ALCAM: variants seen among roughly 807,000 people sequenced by gnomAD.
The protein encoded by ALCAM is activated leukocyte cell adhesion molecule, also known as CD166 antigen.
In ALCAM, 30 loss-of-function variants were observed where a neutral mutation model predicts 70.9. The ratio of observed to expected loss-of-function variants is 0.42; its 90% CI spans 0.32 to 0.57. ALCAM has a LOEUF of 0.57. ALCAM is among the 20% of genes least tolerant of loss of function. The pLI is 0.11. For synonymous variants in ALCAM, 249 were observed against 242.5 expected (o/e 1.03, Z -0.25); for missense variants, 591 against 695.1 (o/e 0.85, Z 1.68).
chr3:105,368,690 G>A (rs1398138022), intron 1 of ALCAM, among the ~76,000 whole-genome samples: 3 of 152,116 alleles, frequency 2.0e-5, no homozygotes, highest in Non-Finnish European at 4.4e-5. Flanking sequence ...CGGGGAGAGG[G>A]GTTTGGGGGC....
intron 1 of ALCAM, among the ~76,000 whole-genome samples, chr3:105,444,984 T>A (rs13065937): frequency 0.015 from 2,332 of 152,128 alleles, 25 homozygotes; most frequent in Middle Eastern, 0.048. Flanking sequence ...GTTTATCTGA[T>A]GTATGATATA....
chr3:105,483,490 G>A (rs1354765755), intron 1 of ALCAM, among the ~76,000 whole-genome samples: 2 of 152,112 alleles, frequency 1.3e-5, no homozygotes, highest in East Asian at 3.9e-4. Context: ...GTGACCTAAA[G>A]AAAATGTACG....
In ALCAM at chr3:105,575,511, C is replaced by T. The variant is rs1311745363; in HGVS notation, c.*1060C>T. The T allele has an allele frequency of 6.6e-6, 1 of 152,286 alleles. No homozygotes were observed. The highest frequency in any genetic ancestry group is 2.4e-5 in the African/African-American group (1 of 41,290). 9.4% of individuals were successfully genotyped at this position (152,286 alleles called of 1,614,324 possible). ...AACTACCCTACAGATATTGAATGCA[C>T]CTTGAGATAATTTAGTGTTTTTAAC... On this transcript the variant is annotated 3_prime_UTR_variant, in exon 16 of 16. Transcript: ENST00000306107.
chr3:105,566,527 C>A lies in ALCAM; in HGVS notation c.1665-5325C>A, dbSNP rs552264626. Among the ~76,000 whole-genome samples, 17 of 152,216 alleles carry A rather than the reference C, an allele frequency of 1.1e-4. No homozygotes were observed. In the South Asian group the frequency reaches 1.5e-3, roughly 13 times the overall value. Reference sequence around the variant, plus strand: ...AGGAATCTTCTGTCCTTCCATCCTGCCTTCTTTTGAATTACTTAATTAAGT... The same window carrying A: ...AGGAATCTTCTGTCCTTCCATCCTGACTTCTTTTGAATTACTTAATTAAGT... On this transcript the variant is annotated intron_variant, in intron 14 of 15. Coordinates refer to ENST00000306107, the MANE Select transcript of ALCAM (RefSeq NM_001627.4).
In ALCAM at chr3:105,400,985, G is replaced by A. The variant is rs140356414; in HGVS notation, c.73+33504G>A. 8.4e-4 allele frequency among the ~76,000 whole-genome samples: 128 copies of A among 152,186 alleles called. 2 individuals are homozygous for A. The East Asian group carries it at 0.018, about 22-fold the overall frequency. ...TACACAAAGTAGGCACTCAAGAATC[G>A]AACTATTACTAAAGACTCTTACTAT... On this transcript the variant is annotated intron_variant, in intron 1 of 15. Transcript: ENST00000306107.
intron 1 of ALCAM, among the ~76,000 whole-genome samples, chr3:105,456,065 A>C (rs13092811): frequency 0.69 from 104,952 of 152,034 alleles, 36,559 homozygotes; most frequent in East Asian, 0.93. Context: ...GGCGACAGAG[A>C]GAACTCCATC....
chr3:105,450,521 A>G (rs1427348276), intron 1 of ALCAM, among the ~76,000 whole-genome samples: 1 of 152,192 alleles, frequency 6.6e-6, no homozygotes, highest in Non-Finnish European at 1.5e-5. Context: ...CCAAAGCAAA[A>G]TACATATCAA....
intron 1 of ALCAM, among the ~76,000 whole-genome samples, chr3:105,509,232 A>G (rs1347597342): frequency 2.0e-5 from 3 of 152,080 alleles, no homozygotes; most frequent in African/African-American, 7.2e-5. Flanking sequence ...TATACCCAGA[A>G]GTGGGATTGC....
chr3:105,474,856 CAT>C (rs1361429937), intron 1 of ALCAM, among the ~76,000 whole-genome samples: 1 of 150,918 alleles, frequency 6.6e-6, no homozygotes, highest in Admixed American at 6.6e-5. Context: ...TTTTTTGTCA[CAT>C]ATAAAATGCT....
chr3:105,442,545 G>T (rs1473637791), intron 1 of ALCAM, among the ~76,000 whole-genome samples: 3 of 152,120 alleles, frequency 2.0e-5, no homozygotes, highest in Non-Finnish European at 4.4e-5. Context: ...ACTGTGGGAG[G>T]CTGAGGCGGG....
Position 105,401,338 on chromosome 3 carries a change from C to T in ALCAM, c.73+33857C>T, listed in dbSNP as rs375130733. Among the ~76,000 whole-genome samples, 13 of 152,316 alleles carry T rather than the reference C, an allele frequency of 8.5e-5. No homozygotes were observed. In the East Asian group the frequency reaches 1.2e-3, roughly 14 times the overall value. ...CTTACGAATTTTGCTGACTCCTATA[C>T]ACAACTACTTGGGAAGTTTCCTTAG... On this transcript the variant is annotated intron_variant, in intron 1 of 15. Transcript: ENST00000306107.
intron 1 of ALCAM, among the ~76,000 whole-genome samples, chr3:105,449,814 G>C (rs1187200618): frequency 3.3e-5 from 5 of 152,056 alleles, no homozygotes; most frequent in Non-Finnish European, 7.4e-5. Context: ...TGAAACTAAT[G>C]AGAAATAGAG....
At chr3:105,511,264 T>C (rs528938710) in intron 1 of ALCAM, among the ~76,000 whole-genome samples, 8 of 152,202 alleles carry the variant, frequency 5.3e-5, no homozygotes, top group Admixed American at 6.5e-5. Flanking sequence ...ACTCAGTCCT[T>C]GAGGTGACAC....
chr3:105,432,666 C>T (rs899986770), intron 1 of ALCAM, among the ~76,000 whole-genome samples: 5 of 151,978 alleles, frequency 3.3e-5, no homozygotes, highest in East Asian at 1.9e-4. Context: ...CTTAGCACAG[C>T]GCTTCACACA....
chr3:105,401,360 T>C (rs1328850816), intron 1 of ALCAM, among the ~76,000 whole-genome samples: 2 of 152,202 alleles, frequency 1.3e-5, no homozygotes, highest in Non-Finnish European at 2.9e-5. Flanking sequence ...GGAAGTTTCC[T>C]TAGGGGCTGA....
chr3:105,378,205 T>C (rs1453553395), intron 1 of ALCAM, among the ~76,000 whole-genome samples: 1 of 151,874 alleles, frequency 6.6e-6, no homozygotes, highest in Non-Finnish European at 1.5e-5. Flanking sequence ...TTAGTCACTT[T>C]TACATAGAAA....
intron 6 of ALCAM, among the ~76,000 whole-genome samples, chr3:105,538,353 G>A (rs1193617239): frequency 6.6e-6 from 1 of 152,072 alleles, no homozygotes; most frequent in Non-Finnish European, 1.5e-5. Context: ...CAGGGCAATG[G>A]GCAAAATGAT....
rs747364515 is a variant in ALCAM at position 105,576,855 on chromosome 3, A to C, written c.*2404A>C. On this transcript the variant is annotated 3_prime_UTR_variant, in exon 16 of 16. Transcript: ENST00000306107. ...GAATTGTTTGTGGAAATGGATTAAC[A>C]TACCCGTCTATGCCTAAAAGATAAT... is the stretch of plus-strand genomic sequence containing the variant. The C allele has an allele frequency of 6.6e-6, 1 of 152,174 alleles. No individual in the cohort carries two copies. The highest frequency in any genetic ancestry group is 1.5e-5 in the Non-Finnish European group (1 of 68,020). The allele number at this position is 152,174 out of a possible 1,614,324, so 9.4% of individuals were successfully genotyped here.
At chr3:105,470,073 A>G (rs1937879115) in intron 1 of ALCAM, among the ~76,000 whole-genome samples, 1 of 147,564 alleles carries the variant, frequency 6.8e-6, no homozygotes, top group South Asian at 2.1e-4. Flanking sequence ...ACCATACCAT[A>G]CACACACATT....
Sources: allele counts gnomAD v4.1 joint callset (sites outside exome capture counted in the v4.1 genomes callset), GRCh38; gene constraint gnomAD v4.1.1; transcripts MANE v1.5; gene names NCBI Gene and HGNC (gene_info 2026-07-23, HGNC 2026-07-21).